RAD54L2: variants seen among roughly 807,000 people sequenced by gnomAD.
RAD54L2 encodes helicase ARIP4.
A neutral mutation model predicts 138.4 loss-of-function variants in RAD54L2; 27 were observed. The ratio of observed to expected loss-of-function variants is 0.20; its 90% confidence interval spans 0.14 to 0.27. The LOEUF (loss-of-function observed/expected upper bound fraction) is 0.27. Ranked by LOEUF, RAD54L2 falls within the 10% of genes least tolerant of loss-of-function variation. The probability of loss-of-function intolerance (pLI) is 1.00; values close to 1 mark genes in which losing one functional copy is unlikely to be tolerated. For synonymous variants in RAD54L2, 644 were observed against 723.2 expected (o/e 0.89, Z 1.76); for missense variants, 1,396 against 1,890.2 (o/e 0.74, Z 4.85).
chr3:51,647,997 C>T (rs1424369487), intron 19 of RAD54L2, among the ~76,000 whole-genome samples: 4 of 152,160 alleles, frequency 2.6e-5, no homozygotes, highest in African/African-American at 9.7e-5. Context: ...TGGGGCATCA[C>T]GTCACCTGGG....
chr3:51,590,125 G>A (rs1699808705), intron 2 of RAD54L2, among the ~76,000 whole-genome samples: 1 of 152,042 alleles, frequency 6.6e-6, no homozygotes, highest in Non-Finnish European at 1.5e-5. Context: ...TGAGTAGCTG[G>A]GATTACAGGT....
intron 3 of RAD54L2, among the ~76,000 whole-genome samples, chr3:51,620,882 C>T (rs992557568): frequency 1.3e-5 from 2 of 152,020 alleles, no homozygotes; most frequent in Non-Finnish European, 2.9e-5. Context: ...TCTTTACCTC[C>T]TTATTGAACT....
chr3:51,642,478 T>C (rs1478783263), intron 15 of RAD54L2, among the ~76,000 whole-genome samples: 2 of 152,046 alleles, frequency 1.3e-5, no homozygotes, highest in African/African-American at 4.8e-5. Flanking sequence ...AAAAAAGTCA[T>C]TCCTTAGTGG....
intron 14 of RAD54L2, 84 bp downstream of exon 14, chr3:51,640,083 C>T: frequency 2.0e-6 from 2 of 989,426 alleles, no homozygotes; most frequent in South Asian, 1.5e-5. Context: ...AAGACCACCC[C>T]CGCCTCCCCC....
At chr3:51,610,395 G>A (rs1200025233) in intron 3 of RAD54L2, among the ~76,000 whole-genome samples, 4 of 152,076 alleles carry the variant, frequency 2.6e-5, no homozygotes, top group Non-Finnish European at 5.9e-5. Context: ...CTTGAGGTCA[G>A]GAGTTTGAGA....
In RAD54L2 at chr3:51,612,175, C is replaced by T. The variant is rs542487726; in HGVS notation, c.140-15378C>T. The stretch of plus-strand genomic sequence containing the variant: ...AAAGTGGGGGAGTACTTTTAAAAAT[C>T]AGCTCAAGGCCGGGTACAGTGGCTC... On this transcript the variant is annotated intron_variant, in intron 3 of 22. Coordinates refer to ENST00000684192, the MANE Select transcript of RAD54L2 (RefSeq NM_015106.4). 7.2e-5 allele frequency among the ~76,000 whole-genome samples: 11 copies of T among 152,246 alleles called. No homozygotes were observed. The East Asian group carries it at 7.7e-4, about 11-fold the overall frequency.
intron 19 of RAD54L2, among the ~76,000 whole-genome samples, chr3:51,654,844 T>C (rs1421387637): frequency 1.3e-5 from 2 of 152,320 alleles, no homozygotes; most frequent in Non-Finnish European, 2.9e-5. Flanking sequence ...CCTGCTGAGT[T>C]TTTTTAATCC....
chr3:51,540,268 A>G (rs1698517462), intron 1 of RAD54L2, among the ~76,000 whole-genome samples: 1 of 152,210 alleles, frequency 6.6e-6, no homozygotes, highest in South Asian at 2.1e-4. Context: ...CCTTAAATCC[A>G]TGAAATTTCA....
rs2106861241 is a variant in RAD54L2 at position 51,662,767 on chromosome 3, T to C, written c.3751T>C (p.Leu1251=). The change falls in exon 23 of 23, where the codon TTA becomes CTA. Residue 1251 remains leucine (L), a synonymous_variant. Transcript: ENST00000684192. This position sits in a 1 kb window ranked among gnomAD's most constrained non-coding sequence, Gnocchi z 4.6. ...PCGDRHPVLD[L]RGHKRKLATP... is the part of the protein sequence containing the mutation. Reference sequence around the variant, plus strand: ...TGGTGACAGGCACCCAGTGCTGGACTTAAGGGGCCACAAGCGAAAGTTGGC... The same window carrying C: ...TGGTGACAGGCACCCAGTGCTGGACCTAAGGGGCCACAAGCGAAAGTTGGC... 6.2e-7 allele frequency: 1 copy of C among 1,611,846 alleles called. No individual in the cohort carries two copies. Among genetic ancestry groups the C allele is most frequent in the Non-Finnish European group, 8.5e-7 (1 of 1,178,964 alleles).
chr3:51,609,788 A>G (rs1240046669), intron 3 of RAD54L2, among the ~76,000 whole-genome samples: 1 of 151,852 alleles, frequency 6.6e-6, no homozygotes, highest in Non-Finnish European at 1.5e-5. Flanking sequence ...CCTCTCAAAT[A>G]AAATAAACAG....
intron 15 of RAD54L2, 44 bp downstream of exon 15, chr3:51,641,911 G>C (rs1163146199): frequency 7.4e-7 from 1 of 1,345,044 alleles, no homozygotes. Context: ...GGCAAGGTCT[G>C]CTTAAGGGTT....
chr3:51,628,399 TA>T (rs1309887666), intron 4 of RAD54L2, among the ~76,000 whole-genome samples: 2 of 152,156 alleles, frequency 1.3e-5, no homozygotes, highest in African/African-American at 2.4e-5. Flanking sequence ...TTTATTTATT[TA>T]TTTTTTTTGA....
chr3:51,583,000 C>T (rs954271907), intron 2 of RAD54L2, among the ~76,000 whole-genome samples: 4 of 152,088 alleles, frequency 2.6e-5, no homozygotes, highest in Admixed American at 1.3e-4. Flanking sequence ...CTCCTGACCT[C>T]GTGATCTGCC....
At chr3:51,545,951 T>C (rs1373221789) in intron 2 of RAD54L2, among the ~76,000 whole-genome samples, 1 of 146,464 alleles carries the variant, frequency 6.8e-6, no homozygotes, top group South Asian at 2.3e-4. Flanking sequence ...TTTTTTTTTT[T>C]TTTTGGAGAT....
chr3:51,597,178 A>G (rs566914128), intron 3 of RAD54L2, among the ~76,000 whole-genome samples: 1 of 151,308 alleles, frequency 6.6e-6, no homozygotes, highest in African/African-American at 2.4e-5. Flanking sequence ...AAAAAAAAAA[A>G]AAAAAAAAAA....
At chr3:51,627,337 T>C (rs188577774) in intron 3 of RAD54L2, among the ~76,000 whole-genome samples, 4 of 152,326 alleles carry the variant, frequency 2.6e-5, no homozygotes, top group Admixed American at 2.6e-4. Context: ...GTTCTAGGCA[T>C]GCACGCTATG....
intron 7 of RAD54L2, among the ~76,000 whole-genome samples, chr3:51,631,672 T>G (rs1700847006): frequency 6.6e-6 from 1 of 152,036 alleles, no homozygotes; most frequent in African/African-American, 2.4e-5. Flanking sequence ...AGACAGGCTC[T>G]TGCTCTGTCG....
In RAD54L2 at chr3:51,630,587, T is replaced by C. The variant is rs567111867; in HGVS notation, c.599-118T>C. ...AAGAGAGAAATAGTAAAAGTCAAAATTTTAATAAGTGTTGACAAGTTCTAA... is the reference window on the plus strand; with the variant it reads ...AAGAGAGAAATAGTAAAAGTCAAAACTTTAATAAGTGTTGACAAGTTCTAA... On this transcript the variant is annotated intron_variant, in intron 6 of 22. Transcript: ENST00000684192. The C allele has an allele frequency of 3.7e-4, 380 of 1,033,908 alleles. 1 individual carries two copies. Among genetic ancestry groups the C allele is most frequent in the South Asian group, 2.6e-3 (155 of 59,686 alleles). 64.0% of individuals were successfully genotyped at this position (1,033,908 alleles called of 1,614,324 possible). A position where few individuals can be genotyped will look rare whatever the true frequency, so the allele number is the denominator to read the frequency against.
chr3:51,598,133 A>ATATG (rs1461958714), intron 3 of RAD54L2, among the ~76,000 whole-genome samples: 3 of 144,994 alleles, frequency 2.1e-5, no homozygotes, highest in African/African-American at 7.6e-5. Flanking sequence ...ATATATATAT[A>ATATG]TGTGTGTATA....
Sources: gnomAD v4.1 joint callset for allele counts (sites outside exome capture counted in the v4.1 genomes callset) on GRCh38, gnomAD v4.1.1 for gene constraint, Gnocchi (gnomAD v3.1) non-coding constraint, MANE v1.5 for transcripts, NCBI Gene and HGNC (gene_info 2026-07-23, HGNC 2026-07-21) for gene names.